The following BDP1 variants were observed in gnomAD, a reference collection of about 807,000 sequenced individuals.
BDP1 encodes transcription factor TFIIIB component B'' homolog.
Under a neutral mutation model 266.6 loss-of-function variants are expected in BDP1, and 169 were observed. The ratio of observed to expected loss-of-function variants is 0.63; its 90% confidence interval spans 0.56 to 0.72. The LOEUF (loss-of-function observed/expected upper bound fraction) is 0.72. Ranked by LOEUF, BDP1 falls within the 30% of genes least tolerant of loss-of-function variation. The pLI is 0.00. For synonymous variants in BDP1, 1,090 were observed against 1,022.4 expected, an observed-to-expected ratio of 1.07 and a Z score of -1.26; for missense variants, 3,015 against 3,053.8, an observed-to-expected ratio of 0.99 and a Z score of 0.30.
At chr5:71,507,764 T>C (rs572504643) in intron 16 of BDP1, among the ~76,000 whole-genome samples, 2 of 152,322 alleles carry the variant, frequency 1.3e-5, no homozygotes, top group African/African-American at 4.8e-5. Flanking sequence ...TAATTTTACA[T>C]TTAACGTTGT....
chr5:71,500,024 A>G (rs1293881345), intron 13 of BDP1, among the ~76,000 whole-genome samples: 1 of 152,204 alleles, frequency 6.6e-6, no homozygotes, highest in Non-Finnish European at 1.5e-5. Flanking sequence ...AGTCATAAAT[A>G]ATCTATTTAC....
intron 32 of BDP1, among the ~76,000 whole-genome samples, chr5:71,547,765 T>C (rs1012966272): frequency 6.6e-6 from 1 of 151,846 alleles, no homozygotes; most frequent in African/African-American, 2.4e-5. Flanking sequence ...CTGGCCAACA[T>C]GGTGAAACTC....
intron 22 of BDP1, among the ~76,000 whole-genome samples, chr5:71,517,845 C>T (rs1467465908): frequency 1.3e-5 from 2 of 152,094 alleles, no homozygotes; most frequent in Non-Finnish European, 2.9e-5. Context: ...ACGAGAGGAT[C>T]GCTTGAGTCC....
intron 32 of BDP1, among the ~76,000 whole-genome samples, chr5:71,547,440 A>C (rs994011874): frequency 4.6e-5 from 7 of 152,156 alleles, no homozygotes; most frequent in African/African-American, 1.7e-4. Flanking sequence ...GAGACACATA[A>C]TGTCAGTTTG....
At chr5:71,560,892 T>TA (rs1743599420) in intron 37 of BDP1, among the ~76,000 whole-genome samples, 1 of 152,226 alleles carries the variant, frequency 6.6e-6, no homozygotes, top group South Asian at 2.1e-4. Flanking sequence ...TTGTTTTTGT[T>TA]ATCTAAATTA....
chr5:71,458,938 T>C (rs1167848209), intron 2 of BDP1, 83 bp downstream of exon 2: 2 of 1,362,580 alleles, frequency 1.5e-6, no homozygotes, highest in Non-Finnish European at 2.0e-6. Context: ...ATTTGTAGCA[T>C]TTTGATGGGG....
intron 14 of BDP1, 106 bp downstream of exon 14, chr5:71,501,759 G>A (rs930962606): frequency 1.1e-5 from 8 of 711,096 alleles, no homozygotes; most frequent in Non-Finnish European, 1.9e-5. Context: ...TAATTTTCAA[G>A]CAGCATACTT....
chr5:71,486,419 T>G, intron 8 of BDP1, 65 bp from the exon 9 acceptor site: 1 of 1,406,328 alleles, frequency 7.1e-7, no homozygotes, highest in Non-Finnish European at 9.6e-7. Context: ...GTTATGATAC[T>G]TTAAAAGCTA....
chr5:71,551,130 T>G (rs898974726), intron 34 of BDP1, among the ~76,000 whole-genome samples: 2 of 151,998 alleles, frequency 1.3e-5, no homozygotes, highest in Non-Finnish European at 1.5e-5. Flanking sequence ...TATTTATTTT[T>G]AATTGATCAT....
chr5:71,472,834 A>G (rs1762329097), intron 7 of BDP1, among the ~76,000 whole-genome samples: 1 of 147,708 alleles, frequency 6.8e-6, no homozygotes, highest in Non-Finnish European at 1.5e-5. Flanking sequence ...TTGGAGGAAG[A>G]GTTTATTTTA....
At chr5:71,504,055 G>A (rs1764421914) in intron 15 of BDP1, among the ~76,000 whole-genome samples, 3 of 150,870 alleles carry the variant, frequency 2.0e-5, no homozygotes, top group Admixed American at 1.3e-4. Flanking sequence ...GGCGGATCAC[G>A]AGGTCAGGAG....
chr5:71,469,599 A>C (rs892403735), intron 6 of BDP1, among the ~76,000 whole-genome samples: 4 of 151,702 alleles, frequency 2.6e-5, no homozygotes, highest in African/African-American at 9.7e-5. Flanking sequence ...AAAATTCCAG[A>C]TGCTTTTGTA....
chr5:71,462,760 A>C (rs772581857), intron 3 of BDP1, among the ~76,000 whole-genome samples: 1 of 147,180 alleles, frequency 6.8e-6, no homozygotes, highest in Non-Finnish European at 1.5e-5. Flanking sequence ...ATCCTGTCTC[A>C]AAAAAAAAAA....
Position 71,455,754 on chromosome 5 carries a change from C to A in BDP1, c.-124C>A. 2 of 795,490 alleles carry A rather than the reference C, an allele frequency of 2.5e-6. No homozygotes were observed. Among genetic ancestry groups the A allele is most frequent in the Non-Finnish European group, 4.0e-6 (2 of 504,468 alleles). The allele number at this position is 795,490 out of a possible 1,614,324, so 49.3% of individuals were successfully genotyped here. A position where few individuals can be genotyped will look rare whatever the true frequency, so the allele number is the denominator to read the frequency against. ...GGGGCAGTGAAACTACGGTAGCTGC[C>A]CCCTGAGCTGGTGGTGTGGCTTTGT... On this transcript the variant is annotated 5_prime_UTR_variant, in exon 1 of 39. Coordinates refer to ENST00000358731, the MANE Select transcript of BDP1 (RefSeq NM_018429.3).
intron 6 of BDP1, among the ~76,000 whole-genome samples, chr5:71,469,873 C>G (rs922770385): frequency 3.0e-5 from 4 of 135,008 alleles, no homozygotes; most frequent in African/African-American, 8.3e-5. Flanking sequence ...TGGAATTTCA[C>G]TTTTGTTGCC....
At chr5:71,534,748 TCTC>T (rs768788499) in intron 26 of BDP1, among the ~76,000 whole-genome samples, 19 of 152,084 alleles carry the variant, frequency 1.2e-4, no homozygotes, top group Non-Finnish European at 1.9e-4. Context: ...TTCAAGCAAT[TCTC>T]CTGTCTCAGC....
chr5:71,564,642 C>T (rs1415118949), intron 38 of BDP1, 112 bp from the exon 39 acceptor site: 7 of 923,794 alleles, frequency 7.6e-6, no homozygotes, highest in African/African-American at 1.7e-5. Flanking sequence ...TTTATTGCCA[C>T]GTTGCTTTTC....
chr5:71,568,845 C>T (rs772761082), downstream of BDP1, among the ~76,000 whole-genome samples: 1 of 152,172 alleles, frequency 6.6e-6, no homozygotes, highest in Non-Finnish European at 1.5e-5. Context: ...ATAAAAGTCT[C>T]TCCAGACTAT....
intron 25 of BDP1, among the ~76,000 whole-genome samples, chr5:71,526,109 G>A (rs1404808625): frequency 6.6e-6 from 1 of 152,182 alleles, no homozygotes; most frequent in African/African-American, 2.4e-5. Context: ...GGGGGTTGTA[G>A]CGAGCCGAGA....
Sources: allele counts gnomAD v4.1 joint callset (sites outside exome capture counted in the v4.1 genomes callset), GRCh38; gene constraint gnomAD v4.1.1; transcripts MANE v1.5; gene names NCBI Gene and HGNC (gene_info 2026-07-23, HGNC 2026-07-21).